SLC24A3: variants seen among roughly 807,000 people sequenced by gnomAD.
The protein encoded by SLC24A3 is sodium/potassium/calcium exchanger 3.
Under a neutral mutation model 75.8 loss-of-function variants are expected in SLC24A3, and 28 were observed. That is an observed-to-expected ratio of 0.37 (90% CI 0.27 to 0.51). SLC24A3 has a LOEUF of 0.51. Ranked by LOEUF, SLC24A3 falls within the 20% of genes least tolerant of loss-of-function variation. The probability of loss-of-function intolerance (pLI) is 0.94; values close to 1 mark genes in which losing one functional copy is unlikely to be tolerated. For missense variants in SLC24A3, 663 were observed against 847.8 expected, an observed-to-expected ratio of 0.78 and a Z score of 2.71; for synonymous variants, 372 against 334.1, an observed-to-expected ratio of 1.11 and a Z score of -1.24.
intron 1 of SLC24A3, among the ~76,000 whole-genome samples, chr20:19,236,253 T>G (rs554092012): frequency 2.0e-5 from 3 of 152,182 alleles, no homozygotes; most frequent in Non-Finnish European, 4.4e-5. Context: ...TCATGCCACC[T>G]GTGAGGTGCC....
chr20:19,264,250 T>G (rs1236667239), intron 1 of SLC24A3: 1 of 151,894 alleles, frequency 6.6e-6, no homozygotes, highest in Non-Finnish European at 1.5e-5. Context: ...CAAGATGAGG[T>G]CAAGGTTACC....
chr20:19,319,921 G>A (rs1215632132), intron 2 of SLC24A3, among the ~76,000 whole-genome samples: 2 of 152,196 alleles, frequency 1.3e-5, no homozygotes, highest in Non-Finnish European at 2.9e-5. Flanking sequence ...TTGTCAAAGG[G>A]TGGTGGCTCC....
chr20:19,254,726 G>A (rs1190513593), intron 1 of SLC24A3, among the ~76,000 whole-genome samples: 1 of 152,126 alleles, frequency 6.6e-6, no homozygotes, highest in Non-Finnish European at 1.5e-5. Flanking sequence ...CACAGCATGG[G>A]CTGGGAGGTC....
chr20:19,663,874 A>G (rs1036817920), intron 7 of SLC24A3, among the ~76,000 whole-genome samples: 5 of 152,106 alleles, frequency 3.3e-5, no homozygotes, highest in Admixed American at 6.5e-5. Flanking sequence ...CTAAAGTCCT[A>G]TGAATCTCAG....
At chr20:19,605,820 A>G (rs865827897) in intron 6 of SLC24A3, among the ~76,000 whole-genome samples, 31 of 152,340 alleles carry the variant, frequency 2.0e-4, no homozygotes, top group Middle Eastern at 6.8e-3. Flanking sequence ...TATACCTATC[A>G]GACTGCTTTT....
At chr20:19,409,847 GTATA>G (rs548789154) in intron 2 of SLC24A3, among the ~76,000 whole-genome samples, 72 of 146,236 alleles carry the variant, frequency 4.9e-4, no homozygotes, top group African/African-American at 1.6e-3. Context: ...GTGTGTGTGT[GTATA>G]TATATATATA....
At chr20:19,658,339 G>A (rs966355519) in intron 7 of SLC24A3, among the ~76,000 whole-genome samples, 1 of 152,202 alleles carries the variant, frequency 6.6e-6, no homozygotes, top group African/African-American at 2.4e-5. Flanking sequence ...TGATGCGGGC[G>A]GGGCATGCCG....
At chr20:19,717,492 G>A (rs758504922) in intron 15 of SLC24A3, 36 bp from the exon 16 acceptor site, 2 of 1,611,382 alleles carry the variant, frequency 1.2e-6, no homozygotes, top group East Asian at 2.2e-5. Flanking sequence ...TGGAAGCCTA[G>A]CTTGTCAGAA....
At position 19,583,793 on chromosome 20, in the gene SLC24A3, A is replaced by C. The variant is rs117739910; in HGVS notation, c.424-1178A>C. On this transcript the variant is annotated intron_variant, in intron 4 of 16. Coordinates refer to ENST00000328041, the MANE Select transcript of SLC24A3 (RefSeq NM_020689.4). ...GGACAGGAGTGCTTGGGCACCCCTC[A>C]CAGCCACACCTTGCAACTTTGCGCT... Among the ~76,000 whole-genome samples, 18 of 152,206 alleles carry C rather than the reference A, an allele frequency of 1.2e-4. No individual in the cohort carries two copies. In the East Asian group the frequency reaches 3.5e-3, roughly 30 times the overall value.
chr20:19,667,774 A>G (rs762548831), intron 8 of SLC24A3, among the ~76,000 whole-genome samples: 12 of 152,216 alleles, frequency 7.9e-5, no homozygotes, highest in Non-Finnish European at 1.3e-4. Flanking sequence ...ATCTCGGGAT[A>G]GTTCAGATGG....
intron 15 of SLC24A3, among the ~76,000 whole-genome samples, chr20:19,703,876 G>A (rs932431523): frequency 6.6e-6 from 1 of 152,128 alleles, no homozygotes; most frequent in Non-Finnish European, 1.5e-5. Flanking sequence ...GGGGTTACAG[G>A]GGCCCCAACC....
intron 15 of SLC24A3, among the ~76,000 whole-genome samples, chr20:19,715,207 T>G (rs554394199): frequency 1.3e-5 from 2 of 152,240 alleles, no homozygotes; most frequent in African/African-American, 4.8e-5. Flanking sequence ...ATAGTCAGTG[T>G]GGACAGAATA....
intron 15 of SLC24A3, among the ~76,000 whole-genome samples, chr20:19,704,612 T>C (rs918784933): frequency 3.9e-5 from 6 of 152,098 alleles, no homozygotes; most frequent in African/African-American, 1.4e-4. Context: ...GAAGTGATGT[T>C]TTAGAGAGAG....
At chr20:19,596,237 A>G (rs557219669) in intron 6 of SLC24A3, among the ~76,000 whole-genome samples, 1 of 152,260 alleles carries the variant, frequency 6.6e-6, no homozygotes, top group Admixed American at 6.5e-5. Context: ...CTGTGGTAAG[A>G]CTTGAGTGGC....
At chr20:19,309,937 G>A (rs190058985) in intron 2 of SLC24A3, among the ~76,000 whole-genome samples, 13 of 152,176 alleles carry the variant, frequency 8.5e-5, no homozygotes, top group South Asian at 8.3e-4. Flanking sequence ...AGGTCAGGGC[G>A]GCAAAGCATC....
At chr20:19,222,650 A>G (rs965289050) in intron 1 of SLC24A3, among the ~76,000 whole-genome samples, 1 of 152,170 alleles carries the variant, frequency 6.6e-6, no homozygotes, top group Non-Finnish European at 1.5e-5. Flanking sequence ...CAGCCCTCAC[A>G]ACTGTGAGTA....
chr20:19,340,215 T>A (rs1299271244), intron 2 of SLC24A3, among the ~76,000 whole-genome samples: 2 of 152,176 alleles, frequency 1.3e-5, no homozygotes. Context: ...GCATGCCAGG[T>A]GTCCTGATAA....
intron 3 of SLC24A3, among the ~76,000 whole-genome samples, chr20:19,523,620 C>T (rs867168772): frequency 1.3e-5 from 2 of 152,180 alleles, no homozygotes; most frequent in Non-Finnish European, 1.5e-5. Flanking sequence ...TAAAGCATGA[C>T]GGCTTAGAGC....
At chr20:19,710,494 C>A (rs2032976428) in intron 15 of SLC24A3, among the ~76,000 whole-genome samples, 1 of 152,226 alleles carries the variant, frequency 6.6e-6, no homozygotes, top group African/African-American at 2.4e-5. Context: ...ATGCATGCTT[C>A]TTAAGGCAAG....
Sources: gnomAD v4.1 joint callset for allele counts (sites outside exome capture counted in the v4.1 genomes callset) on GRCh38, gnomAD v4.1.1 for gene constraint, MANE v1.5 for transcripts, NCBI Gene and HGNC (gene_info 2026-07-23, HGNC 2026-07-21) for gene names.